The following HSF1 variants were observed in gnomAD, a reference collection of about 807,000 sequenced individuals.
HSF1 encodes the protein heat shock factor protein 1.
Under a neutral mutation model 51.7 loss-of-function variants are expected in HSF1, and 32 were observed. That is an observed-to-expected ratio of 0.62 (90% CI 0.47 to 0.83). The LOEUF is 0.83. HSF1 is among the 40% of genes least tolerant of loss of function. The pLI is 0.00. For synonymous variants in HSF1, 396 were observed against 309.7 expected (o/e 1.28, Z -2.92); for missense variants, 727 against 717.0 (o/e 1.01, Z -0.16).
chr8:144,302,366 G>A (rs570075290), intron 1 of HSF1, among the ~76,000 whole-genome samples: 4 of 151,740 alleles, frequency 2.6e-5, no homozygotes, highest in Admixed American at 2.0e-4. Context: ...AATTAGCTGG[G>A]CGTGATGGCA....
chr8:144,311,067 C>T, intron 4 of HSF1, 107 bp from the exon 5 acceptor site: 7 of 1,066,512 alleles, frequency 6.6e-6, no homozygotes, highest in Non-Finnish European at 9.5e-6. Flanking sequence ...CAGACATGGT[C>T]ACACTTACCC....
chr8:144,310,267 A>C, intron 4 of HSF1: 1 of 192,708 alleles, frequency 5.2e-6, no homozygotes, highest in Non-Finnish European at 1.1e-5. Flanking sequence ...GACCCACCTC[A>C]GGCCCTTCCT....
In HSF1 at chr8:144,311,784, G is replaced by C; in HGVS notation, c.808G>C (p.Glu270Gln). The change falls in exon 8 of 13, where the codon GAG becomes CAG. Residue 270 changes from glutamate to glutamine, a missense_variant. Coordinates refer to ENST00000528838, the MANE Select transcript of HSF1 (RefSeq NM_005526.4). ...TGGACCCATCATCTCCGACATCACC[G>C]AGCTGGCTCCTGCCAGCCCCATGGC... Reference protein sequence around the residue: ...SSGPIISDITELAPASPMASP... With the variant: ...SSGPIISDITQLAPASPMASP... 1 of 1,612,430 alleles carries C rather than the reference G, an allele frequency of 6.2e-7. No individual in the cohort carries two copies. Among genetic ancestry groups the C allele is most frequent in the Non-Finnish European group, 8.5e-7 (1 of 1,179,744 alleles).
chr8:144,301,595 G>A (rs540641913), intron 1 of HSF1, among the ~76,000 whole-genome samples: 7 of 152,272 alleles, frequency 4.6e-5, no homozygotes, highest in South Asian at 2.1e-4. Flanking sequence ...GGCCGGGCGC[G>A]GTGGCTCACG....
intron 1 of HSF1, among the ~76,000 whole-genome samples, chr8:144,300,550 A>G (rs904887422): frequency 2.0e-5 from 3 of 152,150 alleles, no homozygotes; most frequent in African/African-American, 4.8e-5. Flanking sequence ...ACAGCACTCT[A>G]CCTCTTTGAT....
intron 1 of HSF1, among the ~76,000 whole-genome samples, chr8:144,300,732 A>T (rs1815810009): frequency 6.6e-6 from 1 of 152,236 alleles, no homozygotes; most frequent in Admixed American, 6.5e-5. Flanking sequence ...AAGATGTGAC[A>T]ACTGGATGGA....
At chr8:144,311,026 A>C (rs1816605689) in intron 4 of HSF1, 148 bp from the exon 5 acceptor site, 2 of 716,206 alleles carry the variant, frequency 2.8e-6, no homozygotes, top group Admixed American at 5.6e-5. Context: ...GTCCCTCCAC[A>C]CACAAGTTCT....
At position 144,312,226 on chromosome 8, in the gene HSF1, G is replaced by A; in HGVS notation, c.1124G>A (p.Ser375Asn). 7.4e-7 allele frequency: 1 copy of A among 1,345,456 alleles called. No homozygotes were observed. The highest frequency in any genetic ancestry group is 1.2e-5 in the South Asian group (1 of 86,296). The allele number at this position is 1,345,456 out of a possible 1,614,324, so 83.3% of individuals were successfully genotyped here. The change falls in exon 9 of 13, where the codon AGC becomes AAC. Residue 375 changes from serine (S) to asparagine (N), a missense_variant. Physicochemically the swap from Ser to Asn is conservative, Grantham distance 46 (BLOSUM62 1). This residue lies in a region of HSF1 where 470 missense variants were observed against 398.8 expected (regional missense o/e 1.18). Transcript: ENST00000528838. ...ACCTCCACCCCTGAAAAGTGCCTCAGCGTAGCCTGCCTGGACAAGTGAGTG... is the reference window on the plus strand; with the variant it reads ...ACCTCCACCCCTGAAAAGTGCCTCAACGTAGCCTGCCTGGACAAGTGAGTG... ...PPTSTPEKCL[S>N]VACLDKNELS...
intron 1 of HSF1, among the ~76,000 whole-genome samples, chr8:144,294,978 T>C (rs1466766151): frequency 6.6e-6 from 1 of 152,254 alleles, no homozygotes; most frequent in African/African-American, 2.4e-5. Context: ...AAGGTACACC[T>C]GGATCCAGTA....
chr8:144,307,515 G>A (rs150739549), intron 1 of HSF1, among the ~76,000 whole-genome samples: 146 of 152,360 alleles, frequency 9.6e-4, no homozygotes, highest in African/African-American at 3.4e-3. Flanking sequence ...CAAGGTGGGC[G>A]GATTGATTGA....
intron 1 of HSF1, among the ~76,000 whole-genome samples, chr8:144,307,500 G>T (rs190609912): frequency 6.6e-6 from 1 of 152,374 alleles, no homozygotes; most frequent in East Asian, 1.9e-4. Context: ...AGCACTGCAG[G>T]AGGCCAAGGT....
At chr8:144,309,069 G>A (rs910137759) in intron 2 of HSF1, 55 bp downstream of exon 2, 20 of 1,335,060 alleles carry the variant, frequency 1.5e-5, no homozygotes, top group South Asian at 3.5e-5. Context: ...TGCAGATGGC[G>A]GGACCCCAGC....
At chr8:144,293,166 A>G (rs1167040134) in intron 1 of HSF1, among the ~76,000 whole-genome samples, 1 of 152,222 alleles carries the variant, frequency 6.6e-6, no homozygotes, top group Admixed American at 6.5e-5. Context: ...GCAGGAGGCC[A>G]GGTTTTCTGC....
At chr8:144,311,448 TGTGCCCCGG>T (rs1816652395) in intron 6 of HSF1, 48 bp from the exon 7 acceptor site, 1 of 1,612,412 alleles carries the variant, frequency 6.2e-7, no homozygotes, top group Admixed American at 1.7e-5. Context: ...CTCTGTCAGC[TGTGCCCCGG>T]GTACCCCGAG....
chr8:144,294,182 G>A (rs1459913458), intron 1 of HSF1, among the ~76,000 whole-genome samples: 1 of 152,110 alleles, frequency 6.6e-6, no homozygotes, highest in Non-Finnish European at 1.5e-5. Flanking sequence ...ACTTAAAACT[G>A]GAAGGAAGCC....
intron 10 of HSF1, 48 bp downstream of exon 10, chr8:144,313,664 C>CCTCCCT (rs1816904458): frequency 6.4e-6 from 1 of 156,288 alleles, no homozygotes; most frequent in Non-Finnish European, 1.2e-5. Flanking sequence ...CTCCCCGCCG[C>CCTCCCT]GCCGCCCCGC....
At chr8:144,306,454 C>T (rs142796333) in intron 1 of HSF1, among the ~76,000 whole-genome samples, 357 of 152,154 alleles carry the variant, frequency 2.3e-3, no homozygotes, top group Non-Finnish European at 4.1e-3. Context: ...CCTTCACCTC[C>T]GGAGCTCAAG....
chr8:144,295,756 C>A (rs1323394255), intron 1 of HSF1, among the ~76,000 whole-genome samples: 1 of 149,828 alleles, frequency 6.7e-6, no homozygotes, highest in Admixed American at 6.7e-5. Context: ...GAGACAGGGT[C>A]TCGCCGTATT....
Position 144,291,738 on chromosome 8 carries a change from C to G in HSF1, c.-20C>G, listed in dbSNP as rs1158833357. 7.1e-7 allele frequency: 1 copy of G among 1,410,688 alleles called. No homozygotes were observed. Among genetic ancestry groups the G allele is most frequent in the Non-Finnish European group, 9.5e-7 (1 of 1,047,458 alleles). 87.4% of individuals were successfully genotyped at this position (1,410,688 alleles called of 1,614,324 possible). On this transcript the variant is annotated 5_prime_UTR_variant, in exon 1 of 13. Transcript: ENST00000528838. This position sits in a 1 kb window ranked among gnomAD's most constrained non-coding sequence, Gnocchi z 4.1. ...CCCTCTTTGCGGCCGCTCCCTCCGC[C>G]TATTCCCTCCTTGCTCGAGATGGAT...
Sources: allele counts gnomAD v4.1 joint callset (sites outside exome capture counted in the v4.1 genomes callset), GRCh38; gene constraint gnomAD v4.1.1; regional missense constraint gnomAD v4.1.1; non-coding constraint Gnocchi (gnomAD v3.1); transcripts MANE v1.5; gene names NCBI Gene and HGNC (gene_info 2026-07-23, HGNC 2026-07-21).